The following FHIT variants were observed in gnomAD, a reference collection of about 807,000 sequenced individuals.
FHIT encodes the protein fragile histidine triad diadenosine triphosphatase.
Under a neutral mutation model 17.9 loss-of-function variants are expected in FHIT, and 19 were observed. The observed-to-expected ratio is 1.06, with a 90% CI of 0.74 to 1.56. FHIT has a LOEUF of 1.56. Among genes scored for constraint, FHIT ranks in the 40% most tolerant of loss-of-function variants. The pLI is 0.00. For synonymous variants in FHIT, 81 were observed against 69.7 expected (o/e 1.16, Z -0.81); for missense variants, 248 against 189.2 (o/e 1.31, Z -1.82).
intron 5 of FHIT, among the ~76,000 whole-genome samples, chr3:60,514,349 G>T (rs2077587): frequency 0.16 from 24,037 of 152,254 alleles, 2,227 homozygotes; most frequent in Middle Eastern, 0.25. Flanking sequence ...CAGTTCCAGT[G>T]TTCCTTCACT....
chr3:60,763,829 A>G (rs374671731), intron 4 of FHIT, among the ~76,000 whole-genome samples: 2 of 152,330 alleles, frequency 1.3e-5, no homozygotes, highest in African/African-American at 4.8e-5. Context: ...AGAATGTTTC[A>G]TATCAGCTAC....
At chr3:60,944,571 G>A (rs1357013668) in intron 3 of FHIT, among the ~76,000 whole-genome samples, 1 of 152,160 alleles carries the variant, frequency 6.6e-6, no homozygotes, top group African/African-American at 2.4e-5. Flanking sequence ...TTTAATTAAT[G>A]GAGACTTTGA....
chr3:61,224,371 A>G (rs2039913345), intron 1 of FHIT, among the ~76,000 whole-genome samples: 1 of 152,130 alleles, frequency 6.6e-6, no homozygotes, highest in South Asian at 2.1e-4. Context: ...TGTGGCTCTG[A>G]CTAGACCCAA....
chr3:60,366,264 C>T (rs1401161159), intron 5 of FHIT, among the ~76,000 whole-genome samples: 1 of 152,122 alleles, frequency 6.6e-6, no homozygotes, highest in Non-Finnish European at 1.5e-5. Context: ...CAACCTCTGC[C>T]TCCTGGGTTC....
intron 1 of FHIT, among the ~76,000 whole-genome samples, chr3:61,233,423 C>T (rs1389848292): frequency 6.6e-6 from 1 of 152,164 alleles, no homozygotes; most frequent in Non-Finnish European, 1.5e-5. Context: ...TACTCAGTGG[C>T]ACAGAAAAGT....
chr3:60,973,697 C>T (rs1710121923), intron 3 of FHIT, among the ~76,000 whole-genome samples: 1 of 152,076 alleles, frequency 6.6e-6, no homozygotes. Flanking sequence ...GGTATGATCA[C>T]AAAGAAACAT....
intron 3 of FHIT, among the ~76,000 whole-genome samples, chr3:60,929,162 C>A (rs1553770957): frequency 6.6e-6 from 1 of 152,000 alleles, no homozygotes; most frequent in South Asian, 2.1e-4. Flanking sequence ...CAAAATTCAA[C>A]CCTTCATGCT....
In FHIT at chr3:60,322,316, A is replaced by C. The variant is rs1002995412; in HGVS notation, c.103+214544T>G. Among the ~76,000 whole-genome samples the C allele has an allele frequency of 6.6e-5, 10 of 152,320 alleles. No individual in the cohort carries two copies. In the South Asian group the frequency reaches 1.7e-3, roughly 25 times the overall value. ...ATAATACATGACATACTACAATGTGAAGGTGGTTTTGCATGTGTCATCACA... is the reference window on the plus strand; with the variant it reads ...ATAATACATGACATACTACAATGTGCAGGTGGTTTTGCATGTGTCATCACA... On this transcript the variant is annotated intron_variant, in intron 5 of 9. Transcript: ENST00000492590.
intron 4 of FHIT, among the ~76,000 whole-genome samples, chr3:60,599,298 A>T (rs1385218743): frequency 6.6e-6 from 1 of 152,192 alleles, no homozygotes; most frequent in African/African-American, 2.4e-5. Flanking sequence ...GTCTAGAGAG[A>T]TTAGGTGATA....
At chr3:60,115,048 T>C (rs6446113) in intron 5 of FHIT, among the ~76,000 whole-genome samples, 45,592 of 151,818 alleles carry the variant, frequency 0.3, 7,166 homozygotes, top group Non-Finnish European at 0.35. Flanking sequence ...ATTAATCACA[T>C]GCTTATTAAT....
rs1699575414 is a variant in FHIT at position 59,997,810 on chromosome 3, C to T, written c.279+13561G>A. 2.0e-5 allele frequency among the ~76,000 whole-genome samples: 3 copies of T among 152,108 alleles called. No individual in the cohort carries two copies. In the South Asian group the frequency reaches 6.2e-4, roughly 31 times the overall value. On this transcript the variant is annotated intron_variant, in intron 7 of 9. Transcript: ENST00000492590. ...TAAAATTGCAATTTATCTAACACCC[C>T]CCTCTACCCCCACCTTTTTATAAGG... is the stretch of plus-strand genomic sequence containing the variant.
At chr3:61,177,745 A>G (rs1337188728) in intron 2 of FHIT, among the ~76,000 whole-genome samples, 1 of 152,200 alleles carries the variant, frequency 6.6e-6, no homozygotes, top group Admixed American at 6.5e-5. Context: ...TTTGCCTTTA[A>G]CAAAACAACC....
chr3:59,961,054 G>A (rs1030695052), intron 7 of FHIT, among the ~76,000 whole-genome samples: 7 of 152,186 alleles, frequency 4.6e-5, no homozygotes, highest in African/African-American at 1.7e-4. Context: ...TGCGGATGAG[G>A]GGACTGAATC....
At chr3:60,799,463 T>C (rs1198509868) in intron 4 of FHIT, among the ~76,000 whole-genome samples, 3 of 152,014 alleles carry the variant, frequency 2.0e-5, no homozygotes, top group Non-Finnish European at 4.4e-5. Flanking sequence ...CATGAGCCAC[T>C]GCGCCTGGCC....
At chr3:59,775,622 T>C (rs576045675) in intron 8 of FHIT, among the ~76,000 whole-genome samples, 3 of 152,370 alleles carry the variant, frequency 2.0e-5, no homozygotes, top group Admixed American at 6.5e-5. Flanking sequence ...CCTTAGCTCT[T>C]TTCTTAGAAA....
chr3:60,344,889 A>T (rs184823938), intron 5 of FHIT, among the ~76,000 whole-genome samples: 43 of 152,302 alleles, frequency 2.8e-4, no homozygotes, highest in African/African-American at 9.9e-4. Context: ...TATCATAAAA[A>T]ATTTCAAAGA....
chr3:60,093,271 C>T (rs1411436346), intron 5 of FHIT, among the ~76,000 whole-genome samples: 1 of 152,132 alleles, frequency 6.6e-6, no homozygotes, highest in African/African-American at 2.4e-5. Flanking sequence ...TTTCTAGAGT[C>T]CAACTACATT....
intron 3 of FHIT, among the ~76,000 whole-genome samples, chr3:61,032,702 A>C (rs188621117): frequency 2.2e-4 from 34 of 152,372 alleles, no homozygotes; most frequent in Middle Eastern, 3.4e-3. Flanking sequence ...CCTAGAACAG[A>C]GCCTACAAGC....
chr3:59,992,592 T>C (rs1205054773), intron 7 of FHIT, among the ~76,000 whole-genome samples: 9 of 152,096 alleles, frequency 5.9e-5, no homozygotes, highest in Non-Finnish European at 4.4e-5. Flanking sequence ...AAAACTAGTA[T>C]TTCATCTTTG....
Sources: allele counts gnomAD v4.1 joint callset (sites outside exome capture counted in the v4.1 genomes callset), GRCh38; gene constraint gnomAD v4.1.1; transcripts MANE v1.5; gene names NCBI Gene and HGNC (gene_info 2026-07-23, HGNC 2026-07-21).